Variants in C3orf85 observed in about 807,000 individuals in gnomAD.
C3orf85 encodes the protein chromosome 3 open reading frame 85.
In C3orf85, 1 loss-of-function variant was observed where a neutral mutation model predicts 1.7. The observed-to-expected ratio is 0.60, with a 90% CI of 0.21 to 2.86. C3orf85 has a LOEUF of 2.86. Among genes scored for constraint, C3orf85 ranks in the 30% most tolerant of loss-of-function variants. The probability of loss-of-function intolerance (pLI) is 0.22; values close to 1 mark genes in which losing one functional copy is unlikely to be tolerated. For synonymous variants in C3orf85, 17 were observed against 8.0 expected, an observed-to-expected ratio of 2.13 and a Z score of -1.90; for missense variants, 29 against 21.3, an observed-to-expected ratio of 1.36 and a Z score of -0.72.
rs532121316 is a variant in C3orf85, at chr3:109,150,380, T to A, written c.*486T>A. The A allele has an allele frequency of 6.6e-6, 1 of 152,196 alleles. No individual in the cohort carries two copies. The highest frequency in any genetic ancestry group is 1.5e-5 in the Non-Finnish European group (1 of 68,036). 9.4% of individuals were successfully genotyped at this position (152,196 alleles called of 1,614,324 possible). A position where few individuals can be genotyped will look rare whatever the true frequency, so the allele number is the denominator to read the frequency against. Reference sequence around the variant, plus strand: ...TTAAAACCATGACTTTGAAACGTTTTTCATCAAAGGTGTACTGCTGAGTGG... The same window carrying A: ...TTAAAACCATGACTTTGAAACGTTTATCATCAAAGGTGTACTGCTGAGTGG... On this transcript the variant is annotated 3_prime_UTR_variant, in exon 4 of 4. Coordinates refer to ENST00000622536, the MANE Select transcript of C3orf85 (RefSeq NM_001351622.2).
intron 2 of C3orf85, among the ~76,000 whole-genome samples, chr3:109,138,428 G>A (rs1706704148): frequency 6.6e-6 from 1 of 152,162 alleles, no homozygotes; most frequent in Non-Finnish European, 1.5e-5. Context: ...TGTAGCTCTA[G>A]AGAAGAAAGT....
intron 2 of C3orf85, among the ~76,000 whole-genome samples, chr3:109,143,638 T>C (rs1417700086): frequency 2.0e-5 from 3 of 152,184 alleles, no homozygotes; most frequent in Non-Finnish European, 2.9e-5. Context: ...ATACCATGCA[T>C]AGAAAGTAGT....
intron 2 of C3orf85, among the ~76,000 whole-genome samples, chr3:109,141,420 T>G (rs1401209962): frequency 2.0e-5 from 3 of 152,212 alleles, no homozygotes; most frequent in Admixed American, 1.3e-4. Flanking sequence ...GCCCTGTGGC[T>G]TTTCACCTTT....
At chr3:109,146,690 A>C (rs1049869104) in intron 2 of C3orf85, among the ~76,000 whole-genome samples, 2 of 152,184 alleles carry the variant, frequency 1.3e-5, no homozygotes, top group African/African-American at 4.8e-5. Flanking sequence ...TTCTTAGAGC[A>C]AGTGGTCCAA....
At chr3:109,140,257 G>A (rs1355840797) in intron 2 of C3orf85, among the ~76,000 whole-genome samples, 8 of 152,186 alleles carry the variant, frequency 5.3e-5, no homozygotes, top group South Asian at 2.1e-4. Context: ...GATTAGGTTC[G>A]CAGACACTTT....
chr3:109,140,427 C>T (rs1359927432), intron 2 of C3orf85, among the ~76,000 whole-genome samples: 3 of 152,208 alleles, frequency 2.0e-5, no homozygotes, highest in Admixed American at 6.5e-5. Context: ...CCGCTGCAAA[C>T]GGCCTGAGCT....
At chr3:109,145,757 T>C (rs1445871849) in intron 2 of C3orf85, among the ~76,000 whole-genome samples, 1 of 152,230 alleles carries the variant, frequency 6.6e-6, no homozygotes, top group African/African-American at 2.4e-5. Flanking sequence ...GGTATGACAG[T>C]TAAAATCATT....
At position 109,151,249 on chromosome 3, in the gene C3orf85, AAC is replaced by A. The variant is rs1192583882; in HGVS notation, c.*1359_*1360del. Among the ~76,000 whole-genome samples the A allele has an allele frequency of 6.6e-6, 1 of 152,192 alleles. No individual in the cohort carries two copies. The highest frequency in any genetic ancestry group is 2.4e-5 in the African/African-American group (1 of 41,442). The stretch of plus-strand genomic sequence containing the variant: ...TTTTACCAATAATATACATTTTACT[AAC>A]ACAAAGTTTCATTCTTTAATTATTT... On this transcript the variant is annotated 3_prime_UTR_variant, in exon 4 of 4. Coordinates refer to ENST00000622536, the MANE Select transcript of C3orf85 (RefSeq NM_001351622.2).
intron 2 of C3orf85, among the ~76,000 whole-genome samples, chr3:109,145,743 C>T (rs539362129): frequency 6.6e-6 from 1 of 152,256 alleles, no homozygotes; most frequent in South Asian, 2.1e-4. Flanking sequence ...AGCCCAAACC[C>T]TTTGGTATGA....
intron 2 of C3orf85, among the ~76,000 whole-genome samples, chr3:109,137,513 G>A (rs1244356475): frequency 6.6e-6 from 1 of 151,428 alleles, no homozygotes; most frequent in Admixed American, 6.6e-5. Context: ...TGATGCAGAT[G>A]CTTAAATTAG....
intron 2 of C3orf85, among the ~76,000 whole-genome samples, chr3:109,146,516 G>T (rs867194296): frequency 1.3e-5 from 2 of 152,202 alleles, no homozygotes; most frequent in African/African-American, 2.4e-5. Context: ...ATGCGGTAAA[G>T]ATGTCAATGG....
intron 2 of C3orf85, among the ~76,000 whole-genome samples, chr3:109,137,696 G>T (rs1238146024): frequency 7.5e-6 from 1 of 133,836 alleles, no homozygotes; most frequent in African/African-American, 2.7e-5. Flanking sequence ...CCTAAACATA[G>T]AAATAATTTT....
Position 109,148,393 on chromosome 3 carries a change from G to A in C3orf85, c.183+7G>A. 1 of 702,514 alleles carries A rather than the reference G, an allele frequency of 1.4e-6. No homozygotes were observed. The highest frequency in any genetic ancestry group is 2.6e-6 in the Non-Finnish European group (1 of 384,650). The allele number at this position is 702,514 out of a possible 1,614,324, so 43.5% of individuals were successfully genotyped here. ...AAACACACTGGCTAAGCAGGTATTT[G>A]TATTAGAAACAAATGGTCCTTCACC... is the stretch of plus-strand genomic sequence containing the variant. On this transcript the variant is annotated splice_region_variant and intron_variant, in intron 3 of 3. Coordinates refer to ENST00000622536, the MANE Select transcript of C3orf85 (RefSeq NM_001351622.2).
chr3:109,143,112 G>A (rs1706759248), intron 2 of C3orf85, among the ~76,000 whole-genome samples: 1 of 152,170 alleles, frequency 6.6e-6, no homozygotes, highest in East Asian at 1.9e-4. Flanking sequence ...CCCCTTCCCA[G>A]GAGCAGAGCA....
intron 2 of C3orf85, among the ~76,000 whole-genome samples, chr3:109,144,282 G>A (rs1706772175): frequency 6.6e-6 from 1 of 152,102 alleles, no homozygotes; most frequent in Non-Finnish European, 1.5e-5. Flanking sequence ...CAAGCAGAGA[G>A]GATAATAGCC....
intron 2 of C3orf85, among the ~76,000 whole-genome samples, chr3:109,143,455 T>G (rs1446184405): frequency 1.3e-5 from 2 of 152,234 alleles, no homozygotes; most frequent in Non-Finnish European, 2.9e-5. Context: ...CTCCCCACTT[T>G]GTTCATAATA....
chr3:109,142,004 G>A (rs1199888472), intron 2 of C3orf85, among the ~76,000 whole-genome samples: 1 of 152,070 alleles, frequency 6.6e-6, no homozygotes, highest in Non-Finnish European at 1.5e-5. Context: ...ACTCTAGTCT[G>A]GGCAATAAAG....
chr3:109,145,706 G>A (rs748340814), intron 2 of C3orf85, among the ~76,000 whole-genome samples: 6 of 152,056 alleles, frequency 3.9e-5, no homozygotes, highest in Non-Finnish European at 8.8e-5. Context: ...TTCTTATTCA[G>A]AAATGATTAT....
At chr3:109,146,821 C>A (rs2107836260) in intron 2 of C3orf85, among the ~76,000 whole-genome samples, 1 of 152,234 alleles carries the variant, frequency 6.6e-6, no homozygotes, top group Middle Eastern at 3.4e-3. Context: ...GAGGGTACTA[C>A]TATACAAGAA....
Sources: allele counts gnomAD v4.1 joint callset (sites outside exome capture counted in the v4.1 genomes callset), GRCh38; gene constraint gnomAD v4.1.1; transcripts MANE v1.5; gene names NCBI Gene and HGNC (gene_info 2026-07-23, HGNC 2026-07-21).